NKAIN2: variants seen among roughly 807,000 people sequenced by gnomAD.
The protein encoded by NKAIN2 is sodium/potassium transporting ATPase interacting 2, also known as sodium/potassium-transporting ATPase subunit beta-1-interacting protein 2.
NKAIN2 carries 14 observed loss-of-function variants against 32.6 expected under a neutral mutation model. That is an observed-to-expected ratio of 0.43 (90% CI 0.28 to 0.67). NKAIN2 has a LOEUF of 0.67. NKAIN2 is among the 30% of genes least tolerant of loss of function. NKAIN2 has a pLI of 0.17. For missense variants in NKAIN2, 198 were observed against 258.3 expected (o/e 0.77, Z 1.60); for synonymous variants, 80 against 87.2 (o/e 0.92, Z 0.46).
At chr6:124,512,842 G>C (rs772439202) in intron 3 of NKAIN2, among the ~76,000 whole-genome samples, 2 of 152,166 alleles carry the variant, frequency 1.3e-5, no homozygotes, top group Non-Finnish European at 2.9e-5. Flanking sequence ...CATTGTTACT[G>C]ATAGGAGGGA....
intron 2 of NKAIN2, among the ~76,000 whole-genome samples, chr6:124,320,941 C>T (rs1032146154): frequency 1.3e-5 from 2 of 152,132 alleles, no homozygotes; most frequent in African/African-American, 4.8e-5. Flanking sequence ...TTACTTTAAT[C>T]TGTAATTATC....
chr6:124,686,054 G>A (rs1298389077), intron 4 of NKAIN2, among the ~76,000 whole-genome samples: 7 of 152,096 alleles, frequency 4.6e-5, no homozygotes, highest in Non-Finnish European at 2.9e-5. Context: ...GCAGAATTCA[G>A]TTCTGTGTGC....
chr6:123,810,483 C>A (rs1426413574), intron 1 of NKAIN2, among the ~76,000 whole-genome samples: 1 of 152,114 alleles, frequency 6.6e-6, no homozygotes, highest in Non-Finnish European at 1.5e-5. Context: ...GGTGTATGGA[C>A]TAGAGAATAA....
intron 1 of NKAIN2, among the ~76,000 whole-genome samples, chr6:123,827,081 C>G (rs1401820946): frequency 6.6e-6 from 1 of 152,056 alleles, no homozygotes; most frequent in Non-Finnish European, 1.5e-5. Flanking sequence ...ATTTCCATTT[C>G]CCTAATGTTT....
chr6:123,894,295 G>C (rs2057081), intron 1 of NKAIN2, among the ~76,000 whole-genome samples: 88,294 of 151,950 alleles, frequency 0.58, 25,876 homozygotes, highest in East Asian at 0.69. Flanking sequence ...TTTGATAGCT[G>C]TCATTGTTGG....
intron 4 of NKAIN2, among the ~76,000 whole-genome samples, chr6:124,687,339 A>G: frequency 7.3e-6 from 1 of 137,364 alleles, no homozygotes; most frequent in South Asian, 2.4e-4. Context: ...TTCCATACAT[A>G]TACATATAAT....
At chr6:124,312,369 T>C (rs1341641849) in intron 2 of NKAIN2, among the ~76,000 whole-genome samples, 3 of 152,166 alleles carry the variant, frequency 2.0e-5, no homozygotes, top group South Asian at 2.1e-4. Flanking sequence ...CCCAGAAAAC[T>C]GCACCCCCTT....
At chr6:124,094,967 C>T (rs745640970) in intron 1 of NKAIN2, among the ~76,000 whole-genome samples, 10 of 152,180 alleles carry the variant, frequency 6.6e-5, no homozygotes, top group East Asian at 3.9e-4. Flanking sequence ...CATGTAACTA[C>T]GAACAGAGTA....
At chr6:124,167,639 G>T (rs1032840134) in intron 1 of NKAIN2, among the ~76,000 whole-genome samples, 1 of 152,172 alleles carries the variant, frequency 6.6e-6, no homozygotes, top group African/African-American at 2.4e-5. Flanking sequence ...CATTCAGTAT[G>T]ATATTGGCTG....
intron 1 of NKAIN2, among the ~76,000 whole-genome samples, chr6:124,162,207 T>C (rs1191394416): frequency 6.6e-6 from 1 of 152,044 alleles, no homozygotes; most frequent in Non-Finnish European, 1.5e-5. Context: ...TGCAGGATTA[T>C]GTAAGAATCA....
chr6:123,926,329 C>T (rs1776001567), intron 1 of NKAIN2, among the ~76,000 whole-genome samples: 1 of 152,184 alleles, frequency 6.6e-6, no homozygotes, highest in Non-Finnish European at 1.5e-5. Flanking sequence ...GTCTTCTGGA[C>T]ACTACTACTT....
At position 124,726,690 on chromosome 6, in the gene NKAIN2, G is replaced by A. The variant is rs546331307; in HGVS notation, c.475-64649G>A. 7.2e-4 allele frequency among the ~76,000 whole-genome samples: 104 copies of A among 144,534 alleles called. 2 individuals are homozygous for A. Among genetic ancestry groups the A allele is most frequent in the African/African-American group, 1.7e-3 (67 of 38,888 alleles). 94.8% of individuals were successfully genotyped at this position (144,534 alleles called of 152,430 possible). On this transcript the variant is annotated intron_variant, in intron 4 of 6. Coordinates refer to ENST00000368417, the MANE Select transcript of NKAIN2 (RefSeq NM_001040214.3). ...GGAACGCAGTTCCTCACCAGCAATG[G>A]AACAAAGCTGGATGGAGAATGACTT... is the stretch of plus-strand genomic sequence containing the variant.
intron 3 of NKAIN2, among the ~76,000 whole-genome samples, chr6:124,509,847 T>C (rs2114770206): frequency 6.6e-6 from 1 of 152,308 alleles, no homozygotes; most frequent in South Asian, 2.1e-4. Flanking sequence ...TAAAATGGTC[T>C]TTGAGAAGAT....
chr6:123,839,076 T>C (rs1157686962), intron 1 of NKAIN2, among the ~76,000 whole-genome samples: 3 of 152,162 alleles, frequency 2.0e-5, no homozygotes, highest in Non-Finnish European at 4.4e-5. Flanking sequence ...GGGCAGCAGC[T>C]AGTTTATGCT....
intron 3 of NKAIN2, 97 bp downstream of exon 3, chr6:124,355,444 C>T (rs1408168291): frequency 4.4e-6 from 3 of 683,104 alleles, no homozygotes; most frequent in South Asian, 1.8e-5. Context: ...TGCTTAGCTG[C>T]ACCTCAATGA....
chr6:124,563,158 C>T (rs1780768045), intron 3 of NKAIN2, among the ~76,000 whole-genome samples: 1 of 152,002 alleles, frequency 6.6e-6, no homozygotes, highest in African/African-American at 2.4e-5. Context: ...CCCCCCTTGG[C>T]CTCCCAATGT....
chr6:124,616,386 T>C (rs540725020), intron 3 of NKAIN2, among the ~76,000 whole-genome samples: 1 of 150,540 alleles, frequency 6.6e-6, no homozygotes, highest in Admixed American at 6.6e-5. Context: ...TATTTTATAC[T>C]ACTTTTGTTT....
At chr6:124,787,146 C>A (rs778737789) in intron 4 of NKAIN2, among the ~76,000 whole-genome samples, 1 of 152,108 alleles carries the variant, frequency 6.6e-6, no homozygotes, top group Admixed American at 6.6e-5. Context: ...GAAGCAGCAC[C>A]TTTATTCAGC....
At chr6:124,164,522 G>C (rs1437631653) in intron 1 of NKAIN2, among the ~76,000 whole-genome samples, 2 of 152,020 alleles carry the variant, frequency 1.3e-5, no homozygotes, top group Non-Finnish European at 1.5e-5. Flanking sequence ...AATCAGCGTG[G>C]AATAGGATAT....
Sources: allele counts gnomAD v4.1 joint callset (sites outside exome capture counted in the v4.1 genomes callset), GRCh38; gene constraint gnomAD v4.1.1; transcripts MANE v1.5; gene names NCBI Gene and HGNC (gene_info 2026-07-23, HGNC 2026-07-21).